Variants in RAB30 observed in about 807,000 individuals in gnomAD.
RAB30 encodes the protein RAB30, member RAS oncogene family.
Under a neutral mutation model 25.1 loss-of-function variants are expected in RAB30, and 9 were observed. The ratio of observed to expected loss-of-function variants is 0.36; its 90% CI spans 0.22 to 0.63. The LOEUF (loss-of-function observed/expected upper bound fraction) is 0.63, where lower values mean the gene tolerates loss of function less well. Among genes scored for constraint, RAB30 ranks in the 20% least tolerant of loss-of-function variants. The pLI is 0.69. For synonymous variants in RAB30, 77 were observed against 86.4 expected, an observed-to-expected ratio of 0.89 and a Z score of 0.60; for missense variants, 140 against 243.5, an observed-to-expected ratio of 0.58 and a Z score of 2.83.
chr11:82,973,282 G>T lies in RAB30; in HGVS notation c.*8883C>A, dbSNP rs1446493838. 6.6e-6 allele frequency: 1 copy of T among 152,124 alleles called. No individual in the cohort carries two copies. Among genetic ancestry groups the T allele is most frequent in the Non-Finnish European group, 1.5e-5 (1 of 68,026 alleles). The allele number at this position is 152,124 out of a possible 1,614,324, so 9.4% of individuals were successfully genotyped here. ...ATTCTTTTTCTTTTACTCTCAGTAT[G>T]AATTATTTCTTAATAATAGAAAACA... On this transcript the variant is annotated 3_prime_UTR_variant, in exon 5 of 5. Transcript: ENST00000527633.
chr11:83,070,141 G>C (rs1413198241), intron 1 of RAB30, among the ~76,000 whole-genome samples: 1 of 151,972 alleles, frequency 6.6e-6, no homozygotes, highest in Non-Finnish European at 1.5e-5. Context: ...GGGGTGGGGT[G>C]GGGGGAAGAA....
intron 1 of RAB30, chr11:83,041,187 CTCTGTCTCAAAAAAAA>C (rs1446196764): frequency 1.4e-5 from 2 of 143,560 alleles, no homozygotes; most frequent in Non-Finnish European, 3.1e-5. Flanking sequence ...CAGAGTGAAA[CTCTGTCTCAAAAAAAA>C]AAAAATCATC....
At position 82,974,352 on chromosome 11, in the gene RAB30, T is replaced by G. The variant is rs370191244; in HGVS notation, c.*7813A>C. On this transcript the variant is annotated 3_prime_UTR_variant, in exon 5 of 5. Coordinates refer to ENST00000527633, the MANE Select transcript of RAB30 (RefSeq NM_001286060.2). ...CCCTTTTTTAATGTTGATTGAATTTTTCATACAATCACCTTTCTACAGAAG... is the reference window on the plus strand; with the variant it reads ...CCCTTTTTTAATGTTGATTGAATTTGTCATACAATCACCTTTCTACAGAAG... 6.6e-6 allele frequency: 1 copy of G among 152,194 alleles called. No homozygotes were observed. Among genetic ancestry groups the G allele is most frequent in the Admixed American group, 6.5e-5 (1 of 15,276 alleles). The allele number at this position is 152,194 out of a possible 1,614,324, so 9.4% of individuals were successfully genotyped here. A position where few individuals can be genotyped will look rare whatever the true frequency, so the allele number is the denominator to read the frequency against.
At chr11:83,012,126 T>A (rs76279226) in intron 1 of RAB30, among the ~76,000 whole-genome samples, 5,345 of 152,194 alleles carry the variant, frequency 0.035, 328 homozygotes, top group African/African-American at 0.12. Context: ...TTCCAAAGAC[T>A]CTGTCCTCTG....
At position 82,978,056 on chromosome 11, in the gene RAB30, C is replaced by G. The variant is rs960516175; in HGVS notation, c.*4109G>C. Reference sequence around the variant, plus strand: ...ATCCCAAAATTAGTGTTTAACCATGCTGCTTAAATGGAACACATTTTGTCT... The same window carrying G: ...ATCCCAAAATTAGTGTTTAACCATGGTGCTTAAATGGAACACATTTTGTCT... On this transcript the variant is annotated 3_prime_UTR_variant, in exon 5 of 5. Transcript: ENST00000527633. 2.0e-5 allele frequency: 3 copies of G among 152,150 alleles called. No homozygotes were observed. The highest frequency in any genetic ancestry group is 4.4e-5 in the Non-Finnish European group (3 of 68,020). The allele number at this position is 152,150 out of a possible 1,614,324, so 9.4% of individuals were successfully genotyped here. A position where few individuals can be genotyped will look rare whatever the true frequency, so the allele number is the denominator to read the frequency against.
At chr11:83,011,820 T>A (rs1857310376) in intron 1 of RAB30, among the ~76,000 whole-genome samples, 1 of 152,122 alleles carries the variant, frequency 6.6e-6, no homozygotes, top group Non-Finnish European at 1.5e-5. Context: ...CCTGCCTTCT[T>A]CCTGCCTCCC....
intron 1 of RAB30, among the ~76,000 whole-genome samples, chr11:83,067,330 T>C (rs942726758): frequency 2.6e-5 from 4 of 152,162 alleles, no homozygotes; most frequent in Non-Finnish European, 4.4e-5. Context: ...AATAAATACA[T>C]TGTACAGATG....
chr11:83,069,174 C>T (rs1291461001), intron 1 of RAB30, among the ~76,000 whole-genome samples: 2 of 152,102 alleles, frequency 1.3e-5, no homozygotes, highest in African/African-American at 4.8e-5. Context: ...GTGATGAGGC[C>T]AAATCTAACA....
intron 1 of RAB30, among the ~76,000 whole-genome samples, chr11:83,048,443 C>T (rs1298663004): frequency 6.7e-6 from 1 of 150,260 alleles, no homozygotes; most frequent in African/African-American, 2.5e-5. Context: ...CTGCACTCAG[C>T]CTGGGCAACA....
chr11:82,989,402 G>A (rs1315190716), intron 3 of RAB30, among the ~76,000 whole-genome samples: 2 of 152,172 alleles, frequency 1.3e-5, no homozygotes, highest in Non-Finnish European at 2.9e-5. Context: ...GCACACAAAG[G>A]CTCTCCTTTG....
chr11:83,025,456 C>A (rs1857687980), intron 1 of RAB30, among the ~76,000 whole-genome samples: 1 of 152,160 alleles, frequency 6.6e-6, no homozygotes, highest in Admixed American at 6.5e-5. Context: ...AACAACAAGC[C>A]CTCAGGGCAT....
chr11:83,012,122 A>G (rs1171803027), intron 1 of RAB30, among the ~76,000 whole-genome samples: 1 of 152,188 alleles, frequency 6.6e-6, no homozygotes. Flanking sequence ...TGTCTTCCAA[A>G]GACTCTGTCC....
At chr11:83,052,655 C>G (rs1373267499) in intron 1 of RAB30, among the ~76,000 whole-genome samples, 1 of 152,194 alleles carries the variant, frequency 6.6e-6, no homozygotes, top group African/African-American at 2.4e-5. Flanking sequence ...CCTGAGGCAG[C>G]AGATTAGAAG....
intron 1 of RAB30, among the ~76,000 whole-genome samples, chr11:83,016,608 G>A (rs1475061539): frequency 3.3e-5 from 5 of 152,098 alleles, no homozygotes; most frequent in Non-Finnish European, 7.4e-5. Flanking sequence ...TGTGCCCAAG[G>A]CTAACAAATA....
chr11:82,999,958 CTG>C (rs141865804), intron 1 of RAB30, among the ~76,000 whole-genome samples: 5,370 of 152,196 alleles, frequency 0.035, 328 homozygotes, highest in African/African-American at 0.12. Flanking sequence ...ACACTCATGA[CTG>C]TGAGCAGCAT....
intron 1 of RAB30, among the ~76,000 whole-genome samples, chr11:83,032,170 C>T (rs190933806): frequency 6.6e-6 from 1 of 152,284 alleles, no homozygotes; most frequent in Admixed American, 6.5e-5. Context: ...CACATCCTTG[C>T]CCACTGACTT....
At chr11:83,052,413 T>C (rs1858376144) in intron 1 of RAB30, among the ~76,000 whole-genome samples, 1 of 152,154 alleles carries the variant, frequency 6.6e-6, no homozygotes, top group African/African-American at 2.4e-5. Flanking sequence ...GCCCAAACTA[T>C]GGAATACCAG....
intron 1 of RAB30, among the ~76,000 whole-genome samples, chr11:83,025,881 G>C (rs1170386673): frequency 1.1e-5 from 1 of 91,246 alleles, no homozygotes; most frequent in Non-Finnish European, 2.8e-5. Flanking sequence ...AACAGATATA[G>C]ATAGATGATA....
chr11:83,071,186 T>C (rs1476853481), intron 1 of RAB30: 1 of 152,176 alleles, frequency 6.6e-6, no homozygotes, highest in Non-Finnish European at 1.5e-5. Flanking sequence ...ACACATAAAA[T>C]AAAGCCCTAC....
Sources: allele counts gnomAD v4.1 joint callset (sites outside exome capture counted in the v4.1 genomes callset), GRCh38; gene constraint gnomAD v4.1.1; transcripts MANE v1.5; gene names NCBI Gene and HGNC (gene_info 2026-07-23, HGNC 2026-07-21).